PLXDC2: variants seen among roughly 807,000 people sequenced by gnomAD.
PLXDC2 encodes the protein plexin domain-containing protein 2.
Under a neutral mutation model 68.9 loss-of-function variants are expected in PLXDC2, and 40 were observed. The ratio of observed to expected loss-of-function variants is 0.58; its 90% CI spans 0.45 to 0.76. The LOEUF is 0.76. PLXDC2 is among the 30% of genes least tolerant of loss of function. The probability of loss-of-function intolerance (pLI) is 0.00; values close to 1 mark genes in which losing one functional copy is unlikely to be tolerated. For missense variants in PLXDC2, 644 were observed against 661.9 expected (o/e 0.97, Z 0.30); for synonymous variants, 243 against 234.2 (o/e 1.04, Z -0.34).
intron 1 of PLXDC2, among the ~76,000 whole-genome samples, chr10:19,963,218 T>C (rs937276163): frequency 7.9e-5 from 12 of 152,140 alleles, no homozygotes; most frequent in African/African-American, 1.2e-4. Context: ...ACACACTCCA[T>C]TGAATTCCTA....
intron 3 of PLXDC2, among the ~76,000 whole-genome samples, chr10:20,061,415 T>C (rs1360230063): frequency 6.6e-6 from 1 of 152,148 alleles, no homozygotes; most frequent in Non-Finnish European, 1.5e-5. Context: ...TTGGCAATAC[T>C]ACAATGGGGA....
intron 1 of PLXDC2, among the ~76,000 whole-genome samples, chr10:19,854,338 C>T (rs1243089306): frequency 6.6e-6 from 1 of 152,164 alleles, no homozygotes; most frequent in African/African-American, 2.4e-5. Context: ...TAAACTATAG[C>T]AGACAAAAGT....
intron 1 of PLXDC2, among the ~76,000 whole-genome samples, chr10:19,900,591 G>A (rs1346558063): frequency 2.0e-5 from 3 of 151,958 alleles, no homozygotes; most frequent in Non-Finnish European, 4.4e-5. Context: ...TCTGTGTTCA[G>A]GTTTCTTTTT....
chr10:19,988,102 A>G (rs914916754), intron 1 of PLXDC2, among the ~76,000 whole-genome samples: 14 of 152,146 alleles, frequency 9.2e-5, no homozygotes, highest in African/African-American at 3.4e-4. Flanking sequence ...GAGGTTCATC[A>G]TTTACATAAT....
intron 1 of PLXDC2, among the ~76,000 whole-genome samples, chr10:19,883,257 T>A (rs1321455837): frequency 6.6e-6 from 1 of 151,346 alleles, no homozygotes; most frequent in African/African-American, 2.4e-5. Context: ...CCACCCCGCC[T>A]GGCCACTAAA....
intron 11 of PLXDC2, among the ~76,000 whole-genome samples, chr10:20,218,227 G>A (rs922660692): frequency 6.6e-6 from 1 of 152,024 alleles, no homozygotes; most frequent in African/African-American, 2.4e-5. Context: ...GGAGGGAGAG[G>A]GCAGAAACAT....
intron 4 of PLXDC2, among the ~76,000 whole-genome samples, chr10:20,078,265 C>T (rs891755094): frequency 6.6e-6 from 1 of 152,076 alleles, no homozygotes; most frequent in Non-Finnish European, 1.5e-5. Context: ...CTTCTGTAGT[C>T]CCAGCTTCTC....
intron 7 of PLXDC2, 78 bp from the exon 8 acceptor site, chr10:20,176,921 C>T: frequency 9.7e-7 from 1 of 1,033,754 alleles, no homozygotes; most frequent in Non-Finnish European, 1.5e-6. Context: ...GTATATAATT[C>T]TATATCCATT....
At chr10:19,876,211 G>A (rs144051569) in intron 1 of PLXDC2, among the ~76,000 whole-genome samples, 3 of 152,248 alleles carry the variant, frequency 2.0e-5, no homozygotes, top group East Asian at 1.9e-4. Context: ...GTAAGAGATC[G>A]TTTCTATTGT....
At chr10:20,263,756 A>G (rs1029596781) in intron 13 of PLXDC2, among the ~76,000 whole-genome samples, 1 of 152,230 alleles carries the variant, frequency 6.6e-6, no homozygotes, top group African/African-American at 2.4e-5. Context: ...ATGCAAATCA[A>G]AACAACAATG....
intron 13 of PLXDC2, among the ~76,000 whole-genome samples, chr10:20,248,224 C>A (rs148160810): frequency 2.6e-5 from 4 of 152,084 alleles, no homozygotes; most frequent in African/African-American, 9.7e-5. Flanking sequence ...TCAAAGGAAC[C>A]CCTGTATGAC....
intron 1 of PLXDC2, among the ~76,000 whole-genome samples, chr10:19,859,007 T>C (rs1392310931): frequency 6.8e-6 from 1 of 147,284 alleles, no homozygotes; most frequent in Non-Finnish European, 1.5e-5. Context: ...GAACCCATGA[T>C]GAGAAAAGCA....
rs550211203 is a variant in PLXDC2, at chr10:20,070,942, C to T, written c.541+2703C>T. The T allele has an allele frequency of 2.0e-5, 3 of 151,488 alleles. No homozygotes were observed. The East Asian group carries it at 5.8e-4, about 29-fold the overall frequency. The allele number at this position is 151,488 out of a possible 1,614,324, so 9.4% of individuals were successfully genotyped here. On this transcript the variant is annotated intron_variant, in intron 4 of 13. Coordinates refer to ENST00000377252, the MANE Select transcript of PLXDC2 (RefSeq NM_032812.9). ...CATCATCCTTGCGATTTCAAAGTGC[C>T]ATTTTCCTTTGTAAAGATCCTCAAA...
intron 1 of PLXDC2, among the ~76,000 whole-genome samples, chr10:19,822,755 C>G (rs1836494478): frequency 6.6e-6 from 1 of 152,062 alleles, no homozygotes; most frequent in Admixed American, 6.6e-5. Flanking sequence ...ATGTCATATG[C>G]CTGTTGGCCA....
chr10:20,223,972 A>AT (rs10561584), intron 12 of PLXDC2, among the ~76,000 whole-genome samples: 1,499 of 133,428 alleles, frequency 0.011, 13 homozygotes, highest in Non-Finnish European at 0.016. Flanking sequence ...CCTAGAATGT[A>AT]TTTTTTTTTT....
chr10:19,894,145 A>T (rs1373606695), intron 1 of PLXDC2, among the ~76,000 whole-genome samples: 1 of 152,238 alleles, frequency 6.6e-6, no homozygotes, highest in Non-Finnish European at 1.5e-5. Context: ...CATCCAAGGA[A>T]AAAGAAAGGT....
chr10:20,047,433 C>A (rs1835816011), intron 3 of PLXDC2, among the ~76,000 whole-genome samples: 1 of 151,940 alleles, frequency 6.6e-6, no homozygotes, highest in Non-Finnish European at 1.5e-5. Context: ...AAAGATTTAA[C>A]CGAAGTCATT....
intron 2 of PLXDC2, among the ~76,000 whole-genome samples, chr10:20,014,523 G>C (rs946550573): frequency 6.7e-6 from 1 of 148,450 alleles, no homozygotes; most frequent in Non-Finnish European, 1.5e-5. Context: ...AGGTAAATCT[G>C]TTTATTTCAG....
chr10:20,031,640 C>T (rs1053380406), intron 2 of PLXDC2, among the ~76,000 whole-genome samples: 1 of 151,922 alleles, frequency 6.6e-6, no homozygotes, highest in African/African-American at 2.4e-5. Context: ...CATGCCCAGG[C>T]CATTGTGACC....
Sources: gnomAD v4.1 joint callset for allele counts (sites outside exome capture counted in the v4.1 genomes callset) on GRCh38, gnomAD v4.1.1 for gene constraint, MANE v1.5 for transcripts, NCBI Gene and HGNC (gene_info 2026-07-23, HGNC 2026-07-21) for gene names.